Variants in POT1 observed in about 807,000 individuals in gnomAD.
POT1 encodes protection of telomeres protein 1.
A neutral mutation model predicts 78.5 loss-of-function variants in POT1; 47 were observed. The observed-to-expected ratio is 0.60, with a 90% confidence interval of 0.47 to 0.76. The LOEUF (loss-of-function observed/expected upper bound fraction) is 0.76. Ranked by LOEUF, POT1 falls within the 30% of genes least tolerant of loss-of-function variation. POT1 has a pLI of 0.00. For missense variants in POT1, 646 were observed against 749.9 expected (o/e 0.86, Z 1.62); for synonymous variants, 259 against 260.7 (o/e 0.99, Z 0.06).
At chr7:124,898,942 T>G (rs1336283346) in intron 3 of POT1, among the ~76,000 whole-genome samples, 1 of 152,180 alleles carries the variant, frequency 6.6e-6, no homozygotes, top group East Asian at 1.9e-4. Context: ...CTTTTCTTAT[T>G]TTCCAAATAC....
At position 124,900,241 on chromosome 7, in the gene POT1, T is replaced by C. The variant is rs890871832; in HGVS notation, c.-153-1867A>G. On this transcript the variant is annotated intron_variant, in intron 3 of 18. Coordinates refer to ENST00000357628, the MANE Select transcript of POT1 (RefSeq NM_015450.3). ...GACAAATTGGATCCTCTCATAAGTA[T>C]AGTGCTTTTCCACATATATTCTTTA... Among the ~76,000 whole-genome samples, 14 of 152,302 alleles carry C rather than the reference T, an allele frequency of 9.2e-5. No homozygotes were observed. In the East Asian group the frequency reaches 1.9e-3, roughly 21 times the overall value.
intron 17 of POT1, 115 bp downstream of exon 17, chr7:124,827,099 A>T (rs1034660439): frequency 2.2e-6 from 1 of 453,506 alleles, no homozygotes; most frequent in East Asian, 3.8e-5. Flanking sequence ...TATTTTACTT[A>T]TATTTTTAAG....
At chr7:124,878,083 C>T (rs1256757501) in intron 6 of POT1, among the ~76,000 whole-genome samples, 1 of 152,056 alleles carries the variant, frequency 6.6e-6, no homozygotes, top group Non-Finnish European at 1.5e-5. Flanking sequence ...GTAATCCCAG[C>T]ATTTTAGGAG....
chr7:124,859,113 C>T lies in POT1; in HGVS notation c.547-1G>A, dbSNP rs1795520711. On this transcript the variant is annotated splice_acceptor_variant, in intron 8 of 18. Coordinates refer to ENST00000357628, the MANE Select transcript of POT1 (RefSeq NM_015450.3). LOFTEE classifies it high-confidence loss of function. The stretch of plus-strand genomic sequence containing the variant: ...ATGGTGTCCTGGTGCCATCCCATAC[C>T]TGCCATAAGAGAGTAGAGTAGTTTT... The T allele has an allele frequency of 2.5e-6, 4 of 1,577,456 alleles. No homozygotes were observed.
intron 7 of POT1, among the ~76,000 whole-genome samples, chr7:124,869,135 A>C (rs554241149): frequency 3.9e-4 from 60 of 152,250 alleles, no homozygotes; most frequent in Admixed American, 2.4e-3. Flanking sequence ...CTGTGAATGG[A>C]GCCATGCATG....
At chr7:124,826,931 T>C (rs920173986) in intron 17 of POT1, among the ~76,000 whole-genome samples, 4 of 152,114 alleles carry the variant, frequency 2.6e-5, no homozygotes, top group African/African-American at 7.2e-5. Flanking sequence ...CTACAAATAA[T>C]GCTTCCATAG....
At chr7:124,910,517 ATTAG>A (rs992707528) in intron 3 of POT1, among the ~76,000 whole-genome samples, 5 of 151,968 alleles carry the variant, frequency 3.3e-5, no homozygotes, top group Admixed American at 2.6e-4. Flanking sequence ...ATATAATATT[ATTAG>A]TTAAATTTTA....
intron 3 of POT1, among the ~76,000 whole-genome samples, chr7:124,900,120 G>T (rs1796583156): frequency 6.6e-6 from 1 of 151,900 alleles, no homozygotes; most frequent in Admixed American, 6.6e-5. Flanking sequence ...ATTTATATTT[G>T]AATATACATA....
chr7:124,921,564 T>C (rs1483668562), intron 2 of POT1, among the ~76,000 whole-genome samples: 1 of 152,026 alleles, frequency 6.6e-6, no homozygotes, highest in African/African-American at 2.4e-5. Context: ...AAAACTGAAA[T>C]GTAGATTTCT....
intron 5 of POT1, among the ~76,000 whole-genome samples, chr7:124,896,754 A>T (rs1019790782): frequency 3.3e-5 from 5 of 151,600 alleles, no homozygotes; most frequent in African/African-American, 1.2e-4. Flanking sequence ...GTATAAGAAA[A>T]CTACTTAAAA....
chr7:124,872,114 A>C (rs1795885108), intron 6 of POT1, among the ~76,000 whole-genome samples: 1 of 152,108 alleles, frequency 6.6e-6, no homozygotes, highest in Non-Finnish European at 1.5e-5. Context: ...GGCTTATTTT[A>C]CTTAAGAATG....
At chr7:124,869,966 T>TA (rs1398954055) in intron 7 of POT1, among the ~76,000 whole-genome samples, 1 of 152,130 alleles carries the variant, frequency 6.6e-6, no homozygotes, top group Non-Finnish European at 1.5e-5. Context: ...TAATAGGTCA[T>TA]AAAAAGTGCC....
At chr7:124,861,702 G>A (rs1205841527) in intron 8 of POT1, among the ~76,000 whole-genome samples, 8 of 152,128 alleles carry the variant, frequency 5.3e-5, no homozygotes. Context: ...GAATGGTATT[G>A]CCTAGGTTTT....
chr7:124,922,468 G>A (rs1369257240), intron 2 of POT1, among the ~76,000 whole-genome samples: 2 of 151,918 alleles, frequency 1.3e-5, no homozygotes, highest in African/African-American at 4.8e-5. Flanking sequence ...CAATGAACAG[G>A]GGAGTGAGTA....
intron 8 of POT1, among the ~76,000 whole-genome samples, chr7:124,859,940 C>T (rs985960798): frequency 6.6e-6 from 1 of 151,356 alleles, no homozygotes; most frequent in Non-Finnish European, 1.5e-5. Flanking sequence ...GATTGGTATA[C>T]CACGGCTACT....
intron 5 of POT1, among the ~76,000 whole-genome samples, chr7:124,894,098 G>C (rs1237044213): frequency 6.6e-6 from 1 of 151,550 alleles, no homozygotes; most frequent in Non-Finnish European, 1.5e-5. Context: ...TTGTATAAGT[G>C]ATCCCAACAT....
chr7:124,884,514 G>C (rs1260485925), intron 6 of POT1, among the ~76,000 whole-genome samples: 2 of 152,092 alleles, frequency 1.3e-5, no homozygotes, highest in Non-Finnish European at 2.9e-5. Context: ...AGAGAAACAA[G>C]TAATTTTGGA....
Position 124,852,963 on chromosome 7 carries a change from A to C in POT1, c.869+9T>G. 1 of 1,607,578 alleles carries C rather than the reference A, an allele frequency of 6.2e-7. No homozygotes were observed. Among genetic ancestry groups the C allele is most frequent in the Non-Finnish European group, 8.5e-7 (1 of 1,177,174 alleles). On this transcript the variant is annotated intron_variant, in intron 10 of 18. Coordinates refer to ENST00000357628, the MANE Select transcript of POT1 (RefSeq NM_015450.3). ...CCTTATTTACATTTTCTAAATACTA[A>C]AAGCTTACTTTTTCAGTTGATCCAC...
Position 124,928,883 on chromosome 7 carries a change from T to C in POT1, c.-295A>G, listed in dbSNP as rs1420575990. On this transcript the variant is annotated 5_prime_UTR_variant, in exon 2 of 19. An upstream open reading frame in the 5' UTR loses its in-frame stop. Coordinates refer to ENST00000357628, the MANE Select transcript of POT1 (RefSeq NM_015450.3). ...CCGAAATCTACTTTATGTAATTTAC[T>C]CAGCGGCTGAACTTCAGGCACCCCA... is the stretch of plus-strand genomic sequence containing the variant. 2.0e-5 allele frequency: 3 copies of C among 152,630 alleles called. No individual in the cohort carries two copies. Among genetic ancestry groups the C allele is most frequent in the Non-Finnish European group, 2.9e-5 (2 of 68,038 alleles). The allele number at this position is 152,630 out of a possible 1,614,324, so 9.5% of individuals were successfully genotyped here. A position where few individuals can be genotyped will look rare whatever the true frequency, so the allele number is the denominator to read the frequency against.
Sources: allele counts gnomAD v4.1 joint callset (sites outside exome capture counted in the v4.1 genomes callset), GRCh38; gene constraint gnomAD v4.1.1; transcripts MANE v1.5; gene names NCBI Gene and HGNC (gene_info 2026-07-23, HGNC 2026-07-21).